Variants in COPG2 observed in about 807,000 individuals in gnomAD.
The protein encoded by COPG2 is coat protein complex I subunit gamma 2, also known as coatomer subunit gamma-2.
COPG2 carries 37 observed loss-of-function variants against 46.3 expected under a neutral mutation model. The observed-to-expected ratio is 0.80, with a 90% CI of 0.61 to 1.05. The LOEUF is 1.05. Ranked by LOEUF, COPG2 falls within the 50% of genes least tolerant of loss-of-function variation. The pLI is 0.00. For synonymous variants in COPG2, 159 were observed against 129.7 expected (o/e 1.23, Z -1.53); for missense variants, 427 against 387.8 (o/e 1.10, Z -0.85).
At chr7:130,628,015 C>T (rs1407341327) in intron 5 of COPG2, among the ~76,000 whole-genome samples, 1 of 152,094 alleles carries the variant, frequency 6.6e-6, no homozygotes, top group Non-Finnish European at 1.5e-5. Flanking sequence ...CTTCAACTAA[C>T]GAGAAGTCCA....
chr7:130,620,746 T>C (rs782736542), intron 5 of COPG2, among the ~76,000 whole-genome samples: 3 of 152,190 alleles, frequency 2.0e-5, no homozygotes, highest in African/African-American at 4.8e-5. Context: ...TTTGGGACTT[T>C]TGAGTTATAA....
chr7:130,667,851 G>A (rs111434171), intron 1 of COPG2, among the ~76,000 whole-genome samples: 45 of 152,146 alleles, frequency 3.0e-4, no homozygotes, highest in African/African-American at 9.2e-4. Context: ...GTAGTAGGGT[G>A]CTTTTGATTT....
chr7:130,666,972 C>G, intron 2 of COPG2, 43 bp from the exon 3 acceptor site: 1 of 1,045,298 alleles, frequency 9.6e-7, no homozygotes, highest in Non-Finnish European at 1.4e-6. Flanking sequence ...TCTACCTTTT[C>G]TATCACAGAT....
intron 9 of COPG2, among the ~76,000 whole-genome samples, chr7:130,594,209 T>C (rs1794482736): frequency 2.0e-5 from 3 of 152,054 alleles, no homozygotes; most frequent in Admixed American, 1.3e-4. Flanking sequence ...AATTAGGAAA[T>C]TAGAAATTAA....
intron 9 of COPG2, among the ~76,000 whole-genome samples, chr7:130,608,529 G>A (rs1362591202): frequency 2.6e-5 from 4 of 151,956 alleles, no homozygotes; most frequent in African/African-American, 9.7e-5. Flanking sequence ...GTTTTTTCCT[G>A]GTTGAAAATG....
chr7:130,534,144 G>A (rs1213550791), intron 20 of COPG2, among the ~76,000 whole-genome samples: 2 of 152,108 alleles, frequency 1.3e-5, no homozygotes, highest in South Asian at 2.1e-4. Flanking sequence ...AGAGCAGATC[G>A]AAGAAGCAAG....
intron 5 of COPG2, among the ~76,000 whole-genome samples, chr7:130,625,816 G>A (rs1233781180): frequency 6.6e-6 from 1 of 151,466 alleles, no homozygotes; most frequent in Non-Finnish European, 1.5e-5. Flanking sequence ...CCTATCATAT[G>A]CTTTCTTTTG....
At chr7:130,533,993 G>GT (rs1374797287) in intron 20 of COPG2, among the ~76,000 whole-genome samples, 27 of 143,648 alleles carry the variant, frequency 1.9e-4, no homozygotes, top group Non-Finnish European at 3.4e-4. Flanking sequence ...GGGTGGGGGG[G>GT]GTGGAGCAGA....
In COPG2 at chr7:130,519,005, CAAA is replaced by C. The variant is rs1163859617; in HGVS notation, c.2150-10349_2150-10347del. On this transcript the variant is annotated intron_variant, in intron 20 of 23. Coordinates refer to ENST00000425248, the MANE Select transcript of COPG2 (RefSeq NM_012133.6). Reference sequence around the variant, plus strand: ...TGGGCAACAGAGTGAGACTCTGTCTCAAAAAAAAAAAAAAAAAAGAGTAGAGAA... The same window carrying C: ...TGGGCAACAGAGTGAGACTCTGTCTCAAAAAAAAAAAAAAAGAGTAGAGAA... 5.5e-4 allele frequency among the ~76,000 whole-genome samples: 64 copies of C among 116,406 alleles called. 1 individual carries two copies. Among genetic ancestry groups the C allele is most frequent in the South Asian group, 1.8e-3 (6 of 3,424 alleles). The allele number at this position is 116,406 out of a possible 152,430, so 76.4% of individuals were successfully genotyped here.
At chr7:130,531,343 G>C (rs947316539) in intron 20 of COPG2, among the ~76,000 whole-genome samples, 4 of 152,118 alleles carry the variant, frequency 2.6e-5, no homozygotes, top group African/African-American at 4.8e-5. Context: ...GTAGCCTCAC[G>C]TAGGGTGCAA....
chr7:130,635,297 T>A (rs1795315221), intron 5 of COPG2, among the ~76,000 whole-genome samples: 3 of 152,014 alleles, frequency 2.0e-5, no homozygotes, highest in Non-Finnish European at 4.4e-5. Context: ...ACCAGCTGCT[T>A]TTTGTACCTC....
intron 20 of COPG2, among the ~76,000 whole-genome samples, chr7:130,528,831 G>A (rs1450668869): frequency 6.6e-6 from 1 of 151,976 alleles, no homozygotes; most frequent in South Asian, 2.1e-4. Flanking sequence ...AGGCATGCCA[G>A]GCGCCAAGAG....
intron 9 of COPG2, among the ~76,000 whole-genome samples, chr7:130,577,692 C>T (rs1225598241): frequency 5.6e-5 from 8 of 142,716 alleles, no homozygotes; most frequent in African/African-American, 1.9e-4. Context: ...ACCCGGGAAG[C>T]GGAGCTTGCA....
At chr7:130,589,762 A>G (rs531500481) in intron 9 of COPG2, among the ~76,000 whole-genome samples, 1 of 152,226 alleles carries the variant, frequency 6.6e-6, no homozygotes, top group South Asian at 2.1e-4. Context: ...TTTAGTCTGC[A>G]TTTCTCTAAT....
At chr7:130,658,293 G>T (rs1795896438) in intron 4 of COPG2, among the ~76,000 whole-genome samples, 1 of 152,110 alleles carries the variant, frequency 6.6e-6, no homozygotes, top group South Asian at 2.1e-4. Flanking sequence ...CTCAAAAAAG[G>T]CTTCATACAG....
chr7:130,546,311 G>A (rs1289872153), intron 20 of COPG2, among the ~76,000 whole-genome samples: 3 of 152,158 alleles, frequency 2.0e-5, no homozygotes, highest in African/African-American at 7.2e-5. Context: ...TTACTTAAGA[G>A]TACAGCCAGC....
intron 9 of COPG2, among the ~76,000 whole-genome samples, chr7:130,598,250 AC>A (rs1186527410): frequency 2.0e-5 from 3 of 152,162 alleles, no homozygotes; most frequent in Non-Finnish European, 4.4e-5. Flanking sequence ...CCTGCACAGT[AC>A]TGCCTCAGGG....
At chr7:130,572,220 C>T (rs942730036) in intron 9 of COPG2, among the ~76,000 whole-genome samples, 1 of 152,076 alleles carries the variant, frequency 6.6e-6, no homozygotes, top group Non-Finnish European at 1.5e-5. Flanking sequence ...CAAACACCAC[C>T]TGTTCCCCAA....
At chr7:130,509,216 T>G in intron 20 of COPG2, 1 of 487,178 alleles carries the variant, frequency 2.1e-6, no homozygotes, top group South Asian at 1.5e-5. Flanking sequence ...GTAATGAGTT[T>G]CTAGTATTGG....
Sources: gnomAD v4.1 joint callset for allele counts (sites outside exome capture counted in the v4.1 genomes callset) on GRCh38, gnomAD v4.1.1 for gene constraint, MANE v1.5 for transcripts, NCBI Gene and HGNC (gene_info 2026-07-23, HGNC 2026-07-21) for gene names.